Variants in C12orf60 observed in about 807,000 individuals in gnomAD.
The protein encoded by C12orf60 is uncharacterized protein C12orf60.
For synonymous variants in C12orf60, 102 were observed against 94.6 expected, an observed-to-expected ratio of 1.08 and a Z score of -0.45; for missense variants, 284 against 283.2, an observed-to-expected ratio of 1.00 and a Z score of -0.02.
chr12:14,811,585 A>T (rs1373471952), intron 1 of C12orf60, among the ~76,000 whole-genome samples: 1 of 152,168 alleles, frequency 6.6e-6, no homozygotes, highest in Non-Finnish European at 1.5e-5. Flanking sequence ...AACCTTGTTA[A>T]TTTTTTTGAA....
intron 1 of C12orf60, among the ~76,000 whole-genome samples, chr12:14,804,482 A>G (rs970485053): frequency 1.3e-5 from 2 of 152,178 alleles, no homozygotes; most frequent in African/African-American, 4.8e-5. Context: ...GAATCTTTAA[A>G]CTGCCCTTGA....
intron 1 of C12orf60, among the ~76,000 whole-genome samples, chr12:14,820,921 A>G (rs917175048): frequency 1.3e-5 from 2 of 152,016 alleles, no homozygotes; most frequent in Admixed American, 6.5e-5. Context: ...AATATTTCAT[A>G]TTTTTAATGA....
intron 1 of C12orf60, among the ~76,000 whole-genome samples, chr12:14,807,554 A>G (rs1300391900): frequency 6.6e-6 from 1 of 152,228 alleles, no homozygotes; most frequent in Non-Finnish European, 1.5e-5. Context: ...GTCACTTTAT[A>G]TATCTCTACA....
chr12:14,815,072 C>T (rs1319348067), intron 1 of C12orf60, among the ~76,000 whole-genome samples: 6 of 152,106 alleles, frequency 3.9e-5, no homozygotes, highest in East Asian at 1.9e-4. Context: ...TCTTATGAAA[C>T]GGTAGCTATT....
At chr12:14,808,368 A>G (rs1009463641) in intron 1 of C12orf60, among the ~76,000 whole-genome samples, 25 of 151,526 alleles carry the variant, frequency 1.6e-4, no homozygotes, top group Non-Finnish European at 2.9e-5. Flanking sequence ...TGTGGCTGGT[A>G]CTTTTTTTTT....
At chr12:14,813,244 G>T (rs959937006) in intron 1 of C12orf60, among the ~76,000 whole-genome samples, 50 of 152,298 alleles carry the variant, frequency 3.3e-4, no homozygotes, top group Admixed American at 1.4e-3. Context: ...AGTGCTCTCT[G>T]AGGTTTTACA....
At chr12:14,806,903 C>T (rs1262425777) in intron 1 of C12orf60, among the ~76,000 whole-genome samples, 1 of 152,184 alleles carries the variant, frequency 6.6e-6, no homozygotes, top group African/African-American at 2.4e-5. Context: ...GCGATCTCAG[C>T]TCACTGCAAC....
chr12:14,820,723 T>C (rs1244178060), intron 1 of C12orf60, among the ~76,000 whole-genome samples: 1 of 152,138 alleles, frequency 6.6e-6, no homozygotes, highest in Non-Finnish European at 1.5e-5. Context: ...ACTGCTGGAA[T>C]TTTTAATTGG....
Position 14,814,798 on chromosome 12 carries a change from C to A in C12orf60, c.-24-8114C>A, listed in dbSNP as rs1455406996. On this transcript the variant is annotated intron_variant, in intron 1 of 1. Coordinates refer to ENST00000330828, the MANE Select transcript of C12orf60 (RefSeq NM_175874.4). The stretch of plus-strand genomic sequence containing the variant: ...TTCTTCCCAGCTTCAGTCTTCAGAC[C>A]CGTTAATTCCTCCACAGCAAAGACA... Among the ~76,000 whole-genome samples the A allele has an allele frequency of 2.6e-5, 4 of 152,132 alleles. No homozygotes were observed. The East Asian group carries it at 7.7e-4, about 29-fold the overall frequency.
chr12:14,817,091 C>T (rs748946883), intron 1 of C12orf60, among the ~76,000 whole-genome samples: 17 of 152,014 alleles, frequency 1.1e-4, no homozygotes, highest in Non-Finnish European at 2.2e-4. Context: ...ATCGTTTTTT[C>T]TTTAATGGAT....
chr12:14,812,240 C>T (rs1487193553), intron 1 of C12orf60, among the ~76,000 whole-genome samples: 3 of 151,988 alleles, frequency 2.0e-5, no homozygotes, highest in East Asian at 1.9e-4. Flanking sequence ...GTCAGGAGAT[C>T]GAAACCATCC....
intron 1 of C12orf60, chr12:14,806,132 C>T: frequency 1.2e-6 from 2 of 1,614,026 alleles, no homozygotes; most frequent in East Asian, 2.2e-5. Flanking sequence ...GTGTTTTTTC[C>T]ACTGCTCCCA....
At chr12:14,812,174 G>A (rs2137266798) in intron 1 of C12orf60, among the ~76,000 whole-genome samples, 1 of 152,336 alleles carries the variant, frequency 6.6e-6, no homozygotes, top group African/African-American at 2.4e-5. Context: ...GCCGGGCGTG[G>A]TGGCTCACGC....
At chr12:14,813,494 A>T (rs2137270486) in intron 1 of C12orf60, among the ~76,000 whole-genome samples, 1 of 152,380 alleles carries the variant, frequency 6.6e-6, no homozygotes, top group East Asian at 1.9e-4. Context: ...TCATTTAAAA[A>T]ATGTTTCTGA....
In C12orf60 at chr12:14,814,301, G is replaced by A. The variant is rs573253763; in HGVS notation, c.-24-8611G>A. 11 of 152,230 alleles carry A rather than the reference G, an allele frequency of 7.2e-5. No individual in the cohort carries two copies. The South Asian group carries it at 2.3e-3, about 32-fold the overall frequency. 9.4% of individuals were successfully genotyped at this position (152,230 alleles called of 1,614,324 possible). A position where few individuals can be genotyped will look rare whatever the true frequency, so the allele number is the denominator to read the frequency against. ...TTATAGGCTATTTCTACATGGCTTG[G>A]CCCTCAGAATTCCTTCATTTCCTAT... On this transcript the variant is annotated intron_variant, in intron 1 of 1. Transcript: ENST00000330828.
intron 1 of C12orf60, among the ~76,000 whole-genome samples, chr12:14,807,905 C>A (rs748613596): frequency 2.6e-5 from 4 of 152,202 alleles, no homozygotes; most frequent in Non-Finnish European, 5.9e-5. Context: ...GTGGCTCAGG[C>A]CTGTAATCCC....
intron 1 of C12orf60, among the ~76,000 whole-genome samples, chr12:14,810,526 T>C (rs2137263077): frequency 6.6e-6 from 1 of 152,324 alleles, no homozygotes; most frequent in Middle Eastern, 3.4e-3. Context: ...GAATTTCTAA[T>C]CTAGTTAGGA....
At chr12:14,813,599 A>G (rs1016713796) in intron 1 of C12orf60, among the ~76,000 whole-genome samples, 5 of 152,210 alleles carry the variant, frequency 3.3e-5, no homozygotes, top group Non-Finnish European at 7.3e-5. Flanking sequence ...GAAAACGACA[A>G]TGTTCCTTGC....
chr12:14,812,365 G>A lies in C12orf60; in HGVS notation c.-25+8614G>A, dbSNP rs1319442177. On this transcript the variant is annotated intron_variant, in intron 1 of 1. Transcript: ENST00000330828. ...AGGCTGAGGCAGGAGAATGGCATGA[G>A]CCTGGGAGGCAGAGCTTGCAGTGAG... Among the ~76,000 whole-genome samples, 39 of 152,252 alleles carry A rather than the reference G, an allele frequency of 2.6e-4. No homozygotes were observed. The South Asian group carries it at 7.9e-3, about 31-fold the overall frequency.
Sources: gnomAD v4.1 joint callset for allele counts (sites outside exome capture counted in the v4.1 genomes callset) on GRCh38, gnomAD v4.1.1 for gene constraint, MANE v1.5 for transcripts, NCBI Gene and HGNC (gene_info 2026-07-23, HGNC 2026-07-21) for gene names.